FAF1: variants seen among roughly 807,000 people sequenced by gnomAD.
The protein encoded by FAF1 is FAS-associated factor 1.
In FAF1, 25 loss-of-function variants were observed where a neutral mutation model predicts 92.5. That is an observed-to-expected ratio of 0.27 (90% confidence interval 0.20 to 0.38). The LOEUF (loss-of-function observed/expected upper bound fraction) is 0.38. Ranked by LOEUF, FAF1 falls within the 10% of genes least tolerant of loss-of-function variation. The probability of loss-of-function intolerance (pLI) is 1.00; values close to 1 mark genes in which losing one functional copy is unlikely to be tolerated. For missense variants in FAF1, 636 were observed against 793.3 expected (o/e 0.80, Z 2.38); for synonymous variants, 234 against 273.2 (o/e 0.86, Z 1.42).
intron 8 of FAF1, among the ~76,000 whole-genome samples, chr1:50,651,382 T>C (rs1031089080): frequency 6.6e-6 from 1 of 152,236 alleles, no homozygotes; most frequent in African/African-American, 2.4e-5. Flanking sequence ...GTGCAACCTT[T>C]ACCACAATCT....
intron 3 of FAF1, among the ~76,000 whole-genome samples, chr1:50,795,265 G>A (rs1661706928): frequency 6.6e-6 from 1 of 152,156 alleles, no homozygotes. Context: ...ATCATGGAGG[G>A]GGCAGTGATC....
At chr1:50,658,658 T>C (rs935474815) in intron 7 of FAF1, among the ~76,000 whole-genome samples, 7 of 152,224 alleles carry the variant, frequency 4.6e-5, no homozygotes, top group Admixed American at 1.3e-4. Context: ...TTTGGCTTCA[T>C]TGTTCTCCCC....
intron 1 of FAF1, among the ~76,000 whole-genome samples, chr1:50,921,579 T>C (rs1644963466): frequency 6.6e-6 from 1 of 151,864 alleles, no homozygotes; most frequent in Non-Finnish European, 1.5e-5. Context: ...CTGGGTAACA[T>C]GGTGAAATCC....
At chr1:50,576,832 CT>C (rs34718011) in intron 12 of FAF1, among the ~76,000 whole-genome samples, 65,356 of 140,454 alleles carry the variant, frequency 0.47, 16,033 homozygotes, top group African/African-American at 0.67. Context: ...GTTCGTTTTT[CT>C]TTTTTTTTTT....
At chr1:50,627,266 G>A (rs1378903333) in intron 8 of FAF1, among the ~76,000 whole-genome samples, 4 of 152,116 alleles carry the variant, frequency 2.6e-5, no homozygotes, top group Non-Finnish European at 4.4e-5. Flanking sequence ...GAGTCTTAAA[G>A]AACTCCTATA....
At chr1:50,817,751 A>C (rs1340916080) in intron 2 of FAF1, among the ~76,000 whole-genome samples, 1 of 152,148 alleles carries the variant, frequency 6.6e-6, no homozygotes, top group Non-Finnish European at 1.5e-5. Context: ...AAATGTCCTA[A>C]AATTAGATTA....
chr1:50,568,655 A>G (rs1650280004), intron 12 of FAF1, among the ~76,000 whole-genome samples: 1 of 152,126 alleles, frequency 6.6e-6, no homozygotes. Flanking sequence ...GAGGAAACTG[A>G]GGTTTAGAAA....
chr1:50,662,919 C>T lies in FAF1; in HGVS notation c.658-7391G>A, dbSNP rs1248321376. Among the ~76,000 whole-genome samples, 3 of 151,278 alleles carry T rather than the reference C, an allele frequency of 2.0e-5. 1 individual carries two copies. Among genetic ancestry groups the T allele is most frequent in the African/African-American group, 7.4e-5 (3 of 40,806 alleles). On this transcript the variant is annotated intron_variant, in intron 7 of 18. Coordinates refer to ENST00000396153, the MANE Select transcript of FAF1 (RefSeq NM_007051.3). ...GTTTCACCATTCACAGGATGGTCTC[C>T]ATCTCCTGACCTCGTGATCCGCCCG...
chr1:50,757,229 TTA>T (rs775128952), intron 4 of FAF1, among the ~76,000 whole-genome samples: 68 of 152,200 alleles, frequency 4.5e-4, no homozygotes, highest in Non-Finnish European at 7.5e-4. Context: ...ATGAGGAGTA[TTA>T]TATACATTTT....
chr1:50,582,596 G>C, intron 12 of FAF1, 22 bp downstream of exon 12: 1 of 1,534,648 alleles, frequency 6.5e-7, no homozygotes, highest in Non-Finnish European at 9.0e-7. Flanking sequence ...TTTTTAATCA[G>C]AAAAGGTCAA....
chr1:50,470,291 A>C (rs1378169922), intron 18 of FAF1, among the ~76,000 whole-genome samples: 1 of 152,164 alleles, frequency 6.6e-6, no homozygotes, highest in Non-Finnish European at 1.5e-5. Flanking sequence ...AACAGTTTTT[A>C]AAAGGACTCA....
intron 8 of FAF1, among the ~76,000 whole-genome samples, chr1:50,618,420 T>TG (rs1653031550): frequency 6.9e-6 from 1 of 145,972 alleles, no homozygotes; most frequent in Admixed American, 6.7e-5. Flanking sequence ...TAGAGTTTTT[T>TG]TTTTTTTTTT....
At chr1:50,497,640 C>T (rs571019740) in intron 15 of FAF1, among the ~76,000 whole-genome samples, 4 of 148,086 alleles carry the variant, frequency 2.7e-5, no homozygotes, top group African/African-American at 7.5e-5. Flanking sequence ...CCTCCACCCC[C>T]CCAGGTTTAA....
intron 1 of FAF1, among the ~76,000 whole-genome samples, chr1:50,943,037 C>T (rs975024072): frequency 6.6e-6 from 1 of 152,058 alleles, no homozygotes; most frequent in African/African-American, 2.4e-5. Flanking sequence ...ACAATCAGTA[C>T]CCTATTCACA....
Position 50,728,774 on chromosome 1 carries a change from G to A in FAF1, c.551+10089C>T, listed in dbSNP as rs189677481. 2.5e-3 allele frequency among the ~76,000 whole-genome samples: 375 copies of A among 148,922 alleles called. 2 individuals carry two copies. Among genetic ancestry groups the A allele is most frequent in the Middle Eastern group, 0.024 (7 of 290 alleles). ...CCACTGCACTCTAGCCTGGGCGACA[G>A]AGCCAGACTCCGTCTCAAAAAAAAA... On this transcript the variant is annotated intron_variant, in intron 6 of 18. Transcript: ENST00000396153.
chr1:50,700,828 A>C (rs1657444069), intron 7 of FAF1, among the ~76,000 whole-genome samples: 1 of 152,128 alleles, frequency 6.6e-6, no homozygotes, highest in African/African-American at 2.4e-5. Flanking sequence ...AAAGATATCC[A>C]ATCCAGATTA....
chr1:50,955,562 T>A (rs1031799460), intron 1 of FAF1, among the ~76,000 whole-genome samples: 1 of 152,232 alleles, frequency 6.6e-6, no homozygotes, highest in African/African-American at 2.4e-5. Context: ...GCAGCCACTA[T>A]AGAAAACAAT....
At chr1:50,901,440 A>AAGCCC (rs1644795272) in intron 1 of FAF1, among the ~76,000 whole-genome samples, 1 of 152,208 alleles carries the variant, frequency 6.6e-6, no homozygotes, top group Non-Finnish European at 1.5e-5. Context: ...TCATTCCTGC[A>AAGCCC]AGCCCAGCAC....
chr1:50,708,624 G>A (rs920040778), intron 6 of FAF1, among the ~76,000 whole-genome samples: 1 of 151,938 alleles, frequency 6.6e-6, no homozygotes, highest in Non-Finnish European at 1.5e-5. Context: ...TTTAGGCTTC[G>A]AGGCCAAAAC....
Sources: gnomAD v4.1 joint callset for allele counts (sites outside exome capture counted in the v4.1 genomes callset) on GRCh38, gnomAD v4.1.1 for gene constraint, MANE v1.5 for transcripts, NCBI Gene and HGNC (gene_info 2026-07-23, HGNC 2026-07-21) for gene names.